GARIN5B: variants seen among roughly 807,000 people sequenced by gnomAD.
GARIN5B encodes golgi associated RAB2 interactor family member 5B.
chr19:55,362,399 G>C, the GARIN5B span: 75 of 1,550,536 alleles, frequency 4.8e-5, no homozygotes, highest in Non-Finnish European at 6.3e-5. Flanking sequence ...GTTGTCAGGG[G>C]CGTCCAGGGC....
At chr19:55,358,112 T>C in the GARIN5B span, 1 of 1,417,020 alleles carries the variant, frequency 7.1e-7, no homozygotes, top group Non-Finnish European at 9.3e-7. Context: ...ACAGCAGAGC[T>C]CACAGTAAAT....
chr19:55,358,871 A>T, the GARIN5B span: 1 of 1,548,716 alleles, frequency 6.5e-7, no homozygotes. Flanking sequence ...CCGCTGCTCC[A>T]ACTCCTTGGA....
the GARIN5B span, among the ~76,000 whole-genome samples, chr19:55,362,004 G>T: frequency 2.7e-4 from 24 of 87,280 alleles, no homozygotes; most frequent in African/African-American, 6.2e-4. Flanking sequence ...AGGACCCCAG[G>T]CCCTTCTTCC....
the GARIN5B span, chr19:55,361,367 G>C: frequency 1.3e-6 from 2 of 1,538,426 alleles, no homozygotes; most frequent in Admixed American, 4.0e-5. Context: ...TCCCTGCGAC[G>C]GGGAGAACCC....
At chr19:55,363,019 G>A in the GARIN5B span, 3 of 1,493,650 alleles carry the variant, frequency 2.0e-6, no homozygotes, top group South Asian at 4.0e-5. This position sits in a 1 kb window ranked among gnomAD's most constrained non-coding sequence, Gnocchi z 4.0. Flanking sequence ...CCCACTTCGG[G>A]GTGCCCTGGA....
the GARIN5B span, chr19:55,358,433 A>T: frequency 6.6e-7 from 1 of 1,510,246 alleles, no homozygotes; most frequent in South Asian, 1.3e-5. Context: ...CGCCTGGGAG[A>T]TTCCTTCCCT....
chr19:55,357,247 C>T, the GARIN5B span, among the ~76,000 whole-genome samples: 2 of 152,168 alleles, frequency 1.3e-5, no homozygotes, highest in African/African-American at 4.8e-5. Flanking sequence ...TGCCCCCCTA[C>T]ATCCTCCATG....
chr19:55,360,897 G>A, the GARIN5B span: 1 of 1,543,842 alleles, frequency 6.5e-7, no homozygotes, highest in Middle Eastern at 1.7e-4. Flanking sequence ...GCGGGGGTCT[G>A]AGTGGGACCT....
the GARIN5B span, among the ~76,000 whole-genome samples, chr19:55,361,935 C>G: frequency 1.6e-4 from 24 of 146,284 alleles, no homozygotes; most frequent in African/African-American, 5.7e-4. Context: ...GCCCCCAGTC[C>G]CTCCTCCCTC....
At chr19:55,358,064 A>AG in the GARIN5B span, 93 of 1,344,730 alleles carry the variant, frequency 6.9e-5, no homozygotes, top group South Asian at 1.6e-3. Flanking sequence ...AAAAAAAAAA[A>AG]AAAGTGAAAG....
At chr19:55,362,960 A>G in the GARIN5B span, 2 of 1,501,346 alleles carry the variant, frequency 1.3e-6, no homozygotes, top group Admixed American at 2.5e-5. Flanking sequence ...ACGGAGGGGC[A>G]GGTACTCGCC....
the GARIN5B span, chr19:55,359,953 G>A: frequency 1.9e-6 from 3 of 1,549,536 alleles, no homozygotes; most frequent in Non-Finnish European, 2.6e-6. Flanking sequence ...CCTGGCCTGT[G>A]GCTTCATCAG....
chr19:55,358,322 T>C, the GARIN5B span: 1 of 1,538,364 alleles, frequency 6.5e-7, no homozygotes, highest in Non-Finnish European at 8.8e-7. Flanking sequence ...CCTCTTGGGC[T>C]GCTGGGACGC....
chr19:55,355,632 C>G, the GARIN5B span, among the ~76,000 whole-genome samples: 1 of 152,194 alleles, frequency 6.6e-6, no homozygotes, highest in South Asian at 2.1e-4. Flanking sequence ...TTCTCTCCCT[C>G]CTGCCTGGTT....
chr19:55,360,028 C>T, the GARIN5B span: 2 of 1,487,156 alleles, frequency 1.3e-6, no homozygotes, highest in African/African-American at 2.8e-5. Flanking sequence ...TGCATGGAGA[C>T]CCCAGACCCG....
At chr19:55,358,280 TG>T in the GARIN5B span, 3 of 1,550,714 alleles carry the variant, frequency 1.9e-6, no homozygotes, top group Non-Finnish European at 2.6e-6. Flanking sequence ...CAGGGGGTGC[TG>T]GGCTGGCATC....
At chr19:55,361,979 T>TCCTCCCTC in the GARIN5B span, among the ~76,000 whole-genome samples, 1 of 58,620 alleles carries the variant, frequency 1.7e-5, no homozygotes, top group African/African-American at 1.2e-4. Flanking sequence ...AGCTCCTCCC[T>TCCTCCCTC]AGACCCAGGA....
chr19:55,355,308 C>T, the GARIN5B span: 1 of 1,550,224 alleles, frequency 6.5e-7, no homozygotes, highest in East Asian at 2.4e-5. Flanking sequence ...GGTTAAGCCC[C>T]CGCATCCGGC....
the GARIN5B span, chr19:55,362,564 G>C: frequency 6.5e-7 from 1 of 1,534,702 alleles, no homozygotes. Flanking sequence ...CCGAGGGGTT[G>C]GGGGATGCGG....
Sources: allele counts gnomAD v4.1 joint callset (sites outside exome capture counted in the v4.1 genomes callset), GRCh38; gene constraint gnomAD v4.1.1; non-coding constraint Gnocchi (gnomAD v3.1); transcripts MANE v1.5; gene names NCBI Gene and HGNC (gene_info 2026-07-23, HGNC 2026-07-21).